Variants in PRKD3 observed in about 807,000 individuals in gnomAD.
PRKD3 encodes protein kinase D3.
PRKD3 carries 47 observed loss-of-function variants against 99.2 expected under a neutral mutation model. The observed-to-expected ratio is 0.47, with a 90% CI of 0.38 to 0.60. The LOEUF (loss-of-function observed/expected upper bound fraction) is 0.60. Ranked by LOEUF, PRKD3 falls within the 20% of genes least tolerant of loss-of-function variation. The probability of loss-of-function intolerance (pLI) is 0.00; values close to 1 mark genes in which losing one functional copy is unlikely to be tolerated. For missense variants in PRKD3, 1,019 were observed against 1,088.4 expected, an observed-to-expected ratio of 0.94 and a Z score of 0.90; for synonymous variants, 392 against 355.4, an observed-to-expected ratio of 1.10 and a Z score of -1.16.
intron 7 of PRKD3, among the ~76,000 whole-genome samples, chr2:37,280,975 T>C (rs913022521): frequency 2.0e-5 from 3 of 152,114 alleles, no homozygotes; most frequent in South Asian, 2.1e-4. Flanking sequence ...TCAAACAATA[T>C]ATAAAAATGG....
At chr2:37,309,632 G>A (rs1671328123) in intron 2 of PRKD3, among the ~76,000 whole-genome samples, 1 of 152,112 alleles carries the variant, frequency 6.6e-6, no homozygotes, top group Admixed American at 6.6e-5. Flanking sequence ...GGCAGATCAT[G>A]AGGTCAGGAG....
At chr2:37,320,535 G>A (rs528268912) in intron 1 of PRKD3, among the ~76,000 whole-genome samples, 5 of 147,826 alleles carry the variant, frequency 3.4e-5, no homozygotes, top group African/African-American at 1.2e-4. Flanking sequence ...GGGTTCAAGC[G>A]ATTCTTGTGC....
At position 37,256,983 on chromosome 2, in the gene PRKD3, A is replaced by G. The variant is rs930978573; in HGVS notation, c.2146-54T>C. 12 of 1,571,006 alleles carry G rather than the reference A, an allele frequency of 7.6e-6. No individual in the cohort carries two copies. In the African/African-American group the frequency reaches 1.4e-4, roughly 18 times the overall value. The stretch of plus-strand genomic sequence containing the variant: ...GTATTATAGTGTTATATATGTAACT[A>G]CCTGTCCCTAAATATAACACTGTAT... On this transcript the variant is annotated intron_variant, in intron 16 of 18. Coordinates refer to ENST00000234179, the MANE Select transcript of PRKD3 (RefSeq NM_005813.6).
chr2:37,322,788 C>G lies in PRKD3; in HGVS notation c.-656+1893G>C, dbSNP rs193121833. On this transcript the variant is annotated intron_variant, in intron 1 of 18. Coordinates refer to ENST00000234179, the MANE Select transcript of PRKD3 (RefSeq NM_005813.6). ...CATATATATATATAGCAAGTTCGATCTGAATTACATAATCAGCGAGACTCA... is the reference window on the plus strand; with the variant it reads ...CATATATATATATAGCAAGTTCGATGTGAATTACATAATCAGCGAGACTCA... 4.9e-4 allele frequency among the ~76,000 whole-genome samples: 74 copies of G among 152,264 alleles called. 1 individual carries two copies. In the East Asian group the frequency reaches 0.013, roughly 27 times the overall value.
intron 14 of PRKD3, among the ~76,000 whole-genome samples, chr2:37,266,233 T>G (rs911895602): frequency 3.9e-5 from 6 of 152,236 alleles, no homozygotes; most frequent in African/African-American, 1.4e-4. Flanking sequence ...AAATGAATCA[T>G]TTAAGTTTCT....
At chr2:37,315,961 GT>G (rs1469116014) in intron 2 of PRKD3, among the ~76,000 whole-genome samples, 2 of 152,192 alleles carry the variant, frequency 1.3e-5, no homozygotes, top group African/African-American at 2.4e-5. Flanking sequence ...CTGACCTCAG[GT>G]GATCTGCCTG....
At chr2:37,274,367 A>C in intron 11 of PRKD3, 54 bp downstream of exon 11, 2 of 1,590,760 alleles carry the variant, frequency 1.3e-6, no homozygotes, top group Non-Finnish European at 1.7e-6. Flanking sequence ...CCATACCCAC[A>C]AAATGCTTAA....
At position 37,250,952 on chromosome 2, in the gene PRKD3, T is replaced by G. The variant is rs1375948097; in HGVS notation, c.*2225A>C. 1 of 152,654 alleles carries G rather than the reference T, an allele frequency of 6.6e-6. No individual in the cohort carries two copies. Among genetic ancestry groups the G allele is most frequent in the Non-Finnish European group, 1.5e-5 (1 of 68,042 alleles). The allele number at this position is 152,654 out of a possible 1,614,324, so 9.5% of individuals were successfully genotyped here. On this transcript the variant is annotated 3_prime_UTR_variant, in exon 19 of 19. Coordinates refer to ENST00000234179, the MANE Select transcript of PRKD3 (RefSeq NM_005813.6). ...TCTGACAGTGCCTTTACAAAATTTT[T>G]AGAAAACTTCTTAGGCATTTAACAA...
At chr2:37,308,534 T>G (rs1168237728) in intron 2 of PRKD3, among the ~76,000 whole-genome samples, 1 of 17,640 alleles carries the variant, frequency 5.7e-5, no homozygotes, top group South Asian at 2.3e-3. Context: ...CCCACCCACC[T>G]CCCTCCCCAC....
intron 9 of PRKD3, 140 bp from the exon 10 acceptor site, chr2:37,275,984 G>A (rs1558544822): frequency 8.3e-7 from 1 of 1,209,104 alleles, no homozygotes; most frequent in African/African-American, 1.6e-5. Flanking sequence ...AAATTCTCAA[G>A]ATATAAAAAG....
At chr2:37,303,350 G>C (rs931711931) in intron 2 of PRKD3, among the ~76,000 whole-genome samples, 1 of 152,106 alleles carries the variant, frequency 6.6e-6, no homozygotes, top group Non-Finnish European at 1.5e-5. Flanking sequence ...AAAAAAGGCT[G>C]TTGCATAGGC....
chr2:37,315,604 C>T (rs1572705746), intron 2 of PRKD3, among the ~76,000 whole-genome samples: 1 of 152,302 alleles, frequency 6.6e-6, no homozygotes, highest in Admixed American at 6.5e-5. Context: ...GTGCCCTCTA[C>T]CTCCTGTTTT....
In PRKD3 at chr2:37,316,382, G is replaced by A; in HGVS notation, c.143C>T (p.Pro48Leu). Residue 48 changes from proline to leucine, a missense_variant, in exon 2 of 19, where the codon CCA becomes CTA. By Grantham distance (98) the Pro-to-Leu change is moderately conservative. This residue lies in a region of PRKD3 where 710 missense variants were observed against 692.7 expected (regional missense o/e 1.02). Transcript: ENST00000234179. ...TGAGCCTCTGGAGTTGGTGAGTGAT[G>A]GTGCACTGAAGCTTCCATTAGAGAG... ...ARLSNGSFSA[P>L]SLTNSRGSVH... 6.2e-7 allele frequency: 1 copy of A among 1,614,174 alleles called. No homozygotes were observed. Among genetic ancestry groups the A allele is most frequent in the South Asian group, 1.1e-5 (1 of 91,074 alleles).
chr2:37,255,652 G>A (rs1394751119), intron 17 of PRKD3, among the ~76,000 whole-genome samples: 2 of 152,136 alleles, frequency 1.3e-5, no homozygotes, highest in African/African-American at 2.4e-5. Flanking sequence ...ATTCATTCAC[G>A]GAGCTCACAG....
chr2:37,293,616 G>A (rs534033519), intron 2 of PRKD3, among the ~76,000 whole-genome samples: 12 of 152,252 alleles, frequency 7.9e-5, no homozygotes, highest in African/African-American at 2.9e-4. Flanking sequence ...TCGTTCCAGC[G>A]CCTTAGGACA....
intron 2 of PRKD3, among the ~76,000 whole-genome samples, chr2:37,312,457 A>G (rs1321683409): frequency 1.3e-5 from 2 of 152,204 alleles, no homozygotes; most frequent in Non-Finnish European, 2.9e-5. Context: ...ATCGTACTAC[A>G]TATTTCAAGT....
rs770625466 is a variant in PRKD3 at position 37,316,305 on chromosome 2, T to C, written c.220A>G (p.Thr74Ala). The C allele has an allele frequency of 3.1e-6, 5 of 1,614,116 alleles. No homozygotes were observed. Among genetic ancestry groups the C allele is most frequent in the African/African-American group, 1.3e-5 (1 of 74,950 alleles). ...AAAGACAGTTCCTGGGCTTCAATGG[T>C]AACACTCTCCCGTGTGAGGCCAATT... is the stretch of plus-strand genomic sequence containing the variant. ...LQIGLTRESV[T>A]IEAQELSLSA... Residue 74 changes from threonine to alanine, a missense_variant, in exon 2 of 19, where the codon ACC becomes GCC. Transcript: ENST00000234179.
At chr2:37,292,014 C>T (rs72863171) in intron 3 of PRKD3, among the ~76,000 whole-genome samples, 5 of 151,934 alleles carry the variant, frequency 3.3e-5, no homozygotes, top group South Asian at 2.1e-4. Context: ...GGCAAGAATG[C>T]GTGAGGTGGA....
chr2:37,250,537 T>C lies in PRKD3; in HGVS notation c.*2640A>G, dbSNP rs986554278. 2.0e-5 allele frequency: 3 copies of C among 152,136 alleles called. No individual in the cohort carries two copies. Among genetic ancestry groups the C allele is most frequent in the African/African-American group, 7.2e-5 (3 of 41,434 alleles). 9.4% of individuals were successfully genotyped at this position (152,136 alleles called of 1,614,324 possible). ...AATTATAAAATGAGCTTTTTTTTAT[T>C]TTTGGCAGGTTAAAAAAAAATCAGT... On this transcript the variant is annotated 3_prime_UTR_variant, in exon 19 of 19. Coordinates refer to ENST00000234179, the MANE Select transcript of PRKD3 (RefSeq NM_005813.6).
Sources: gnomAD v4.1 joint callset for allele counts (sites outside exome capture counted in the v4.1 genomes callset) on GRCh38, gnomAD v4.1.1 for gene constraint, gnomAD v4.1.1 regional missense constraint, MANE v1.5 for transcripts, NCBI Gene and HGNC (gene_info 2026-07-23, HGNC 2026-07-21) for gene names.